CNTNAP5: variants seen among roughly 807,000 people sequenced by gnomAD.
CNTNAP5 encodes contactin associated protein family member 5.
CNTNAP5 carries 72 observed loss-of-function variants against 150.2 expected under a neutral mutation model. The ratio of observed to expected loss-of-function variants is 0.48; its 90% CI spans 0.40 to 0.58. The LOEUF (loss-of-function observed/expected upper bound fraction) is 0.58. Ranked by LOEUF, CNTNAP5 falls within the 20% of genes least tolerant of loss-of-function variation. The pLI, the probability that CNTNAP5 is intolerant of heterozygous loss-of-function variation, is 0.00. For missense variants in CNTNAP5, 1,636 were observed against 1,626.2 expected (o/e 1.01, Z -0.10); for synonymous variants, 672 against 619.8 (o/e 1.08, Z -1.25).
chr2:124,580,920 A>G (rs1290287755), intron 11 of CNTNAP5, among the ~76,000 whole-genome samples: 1 of 152,230 alleles, frequency 6.6e-6, no homozygotes, highest in African/African-American at 2.4e-5. Flanking sequence ...AGTGAGGAGA[A>G]GCGAGGCCTT....
chr2:124,860,624 A>G (rs1238959129), intron 19 of CNTNAP5, among the ~76,000 whole-genome samples: 4 of 150,032 alleles, frequency 2.7e-5, no homozygotes, highest in South Asian at 4.2e-4. Flanking sequence ...GGTACTTACC[A>G]TGGGCCAGAC....
chr2:124,321,098 C>T lies in CNTNAP5; in HGVS notation c.381+78705C>T, dbSNP rs115048229. On this transcript the variant is annotated intron_variant, in intron 3 of 23. Coordinates refer to ENST00000682447, the MANE Select transcript of CNTNAP5 (RefSeq NM_001367498.1). ...CAGAGGATGAGCTGAAGGAAACAAGCTTACCCCATTGTAAGGATGCAGAGG... is the reference window on the plus strand; with the variant it reads ...CAGAGGATGAGCTGAAGGAAACAAGTTTACCCCATTGTAAGGATGCAGAGG... 4.8e-3 allele frequency among the ~76,000 whole-genome samples: 733 copies of T among 152,226 alleles called. 6 individuals are homozygous for T. The highest frequency in any genetic ancestry group is 0.016 in the African/African-American group (671 of 41,540).
chr2:124,743,412 C>T (rs1406971050), intron 13 of CNTNAP5, among the ~76,000 whole-genome samples: 1 of 152,154 alleles, frequency 6.6e-6, no homozygotes, highest in African/African-American at 2.4e-5. Flanking sequence ...AAGTATGCAA[C>T]TTGTGCTTTA....
chr2:124,591,764 A>C (rs1368675369), intron 11 of CNTNAP5, among the ~76,000 whole-genome samples: 2 of 152,190 alleles, frequency 1.3e-5, no homozygotes, highest in Non-Finnish European at 2.9e-5. Flanking sequence ...TTACTTTATA[A>C]TTACAAGCAG....
At chr2:124,298,722 C>T (rs1688500720) in intron 3 of CNTNAP5, among the ~76,000 whole-genome samples, 1 of 152,098 alleles carries the variant, frequency 6.6e-6, no homozygotes, top group Non-Finnish European at 1.5e-5. Flanking sequence ...TTGTTTAATC[C>T]TAAGTGGGTC....
chr2:124,816,116 G>A (rs1682355483), intron 19 of CNTNAP5, among the ~76,000 whole-genome samples: 1 of 152,194 alleles, frequency 6.6e-6, no homozygotes, highest in African/African-American at 2.4e-5. Flanking sequence ...AAGCCGGGGA[G>A]CTGGGTTCTT....
chr2:124,106,023 A>G (rs1222936834), intron 1 of CNTNAP5, among the ~76,000 whole-genome samples: 4 of 152,178 alleles, frequency 2.6e-5, no homozygotes, highest in Non-Finnish European at 4.4e-5. Flanking sequence ...CATGAAATGG[A>G]AAAGGAGAAT....
At chr2:124,578,952 G>T (rs1408568383) in intron 11 of CNTNAP5, among the ~76,000 whole-genome samples, 1 of 152,074 alleles carries the variant, frequency 6.6e-6, no homozygotes, top group Non-Finnish European at 1.5e-5. Context: ...TGACAAGGGA[G>T]TCTGTTGTGC....
intron 3 of CNTNAP5, among the ~76,000 whole-genome samples, chr2:124,270,111 T>C (rs1281027072): frequency 6.6e-6 from 1 of 151,772 alleles, no homozygotes; most frequent in African/African-American, 2.4e-5. Context: ...AGGTCAAGAG[T>C]TCCAGACCAG....
rs992050138 is a variant in CNTNAP5 at position 124,912,410 on chromosome 2, G to A, written c.3727+872G>A. Among the ~76,000 whole-genome samples the A allele has an allele frequency of 2.0e-5, 3 of 152,014 alleles. No individual in the cohort carries two copies. In the East Asian group the frequency reaches 5.8e-4, roughly 29 times the overall value. Reference sequence around the variant, plus strand: ...GGCTCTGTGCTAAGTAGAGGAATATGGGGATGAATGAGCCAGCGAGGAGAT... The same window carrying A: ...GGCTCTGTGCTAAGTAGAGGAATATAGGGATGAATGAGCCAGCGAGGAGAT... On this transcript the variant is annotated intron_variant, in intron 23 of 23. Coordinates refer to ENST00000682447, the MANE Select transcript of CNTNAP5 (RefSeq NM_001367498.1).
At chr2:124,431,654 T>TATATATAATTTCTTTATATAAACATC (rs1207486610) in intron 4 of CNTNAP5, among the ~76,000 whole-genome samples, 1 of 142,758 alleles carries the variant, frequency 7.0e-6, no homozygotes, top group African/African-American at 2.6e-5. Flanking sequence ...ATATAAACAT[T>TATATATAATTTCTTTATATAAACATC]ATATATAATT....
intron 21 of CNTNAP5, among the ~76,000 whole-genome samples, chr2:124,897,402 C>T (rs1678327985): frequency 6.6e-6 from 1 of 151,436 alleles, no homozygotes; most frequent in Admixed American, 6.6e-5. Context: ...AATGTGTTTG[C>T]TAGTCATTGT....
chr2:124,047,859 C>T (rs936352975), intron 1 of CNTNAP5, among the ~76,000 whole-genome samples: 1 of 152,132 alleles, frequency 6.6e-6, no homozygotes, highest in Middle Eastern at 3.2e-3. Context: ...TGCCTTCATG[C>T]CACTTAGACC....
intron 6 of CNTNAP5, among the ~76,000 whole-genome samples, chr2:124,463,665 G>T (rs1443493783): frequency 6.6e-6 from 1 of 152,180 alleles, no homozygotes; most frequent in East Asian, 1.9e-4. Flanking sequence ...AATTTTGCCA[G>T]GTTTCCCAGA....
chr2:124,193,318 C>G (rs7584334), intron 1 of CNTNAP5, among the ~76,000 whole-genome samples: 1 of 152,058 alleles, frequency 6.6e-6, no homozygotes, highest in African/African-American at 2.4e-5. Flanking sequence ...ATAATTCAAC[C>G]CATAACCTAT....
intron 19 of CNTNAP5, among the ~76,000 whole-genome samples, chr2:124,849,117 T>A (rs781183354): frequency 4.6e-5 from 7 of 152,264 alleles, no homozygotes; most frequent in Middle Eastern, 3.4e-3. Context: ...AGTTTTATGG[T>A]TTCAGATCTT....
rs190778022 is a variant in CNTNAP5 at position 124,354,776 on chromosome 2, G to A, written c.382-62667G>A. 7.2e-5 allele frequency among the ~76,000 whole-genome samples: 11 copies of A among 152,128 alleles called. No homozygotes were observed. In the East Asian group the frequency reaches 1.7e-3, roughly 24 times the overall value. ...ATGATCTTAGTTTCAGCTCTCAATAGGTAATCTAGTTTTCATTTCTGACTA... is the reference window on the plus strand; with the variant it reads ...ATGATCTTAGTTTCAGCTCTCAATAAGTAATCTAGTTTTCATTTCTGACTA... On this transcript the variant is annotated intron_variant, in intron 3 of 23. Coordinates refer to ENST00000682447, the MANE Select transcript of CNTNAP5 (RefSeq NM_001367498.1).
intron 12 of CNTNAP5, among the ~76,000 whole-genome samples, chr2:124,639,590 G>A (rs1678047365): frequency 6.6e-6 from 1 of 151,892 alleles, no homozygotes; most frequent in Admixed American, 6.6e-5. Context: ...TTCAATACTG[G>A]CTACTTTAGA....
chr2:124,082,965 A>G (rs964135001), intron 1 of CNTNAP5, among the ~76,000 whole-genome samples: 5 of 152,076 alleles, frequency 3.3e-5, no homozygotes, highest in Admixed American at 2.0e-4. Context: ...TCTTTATGTC[A>G]TTTGCCCAGT....
Sources: gnomAD v4.1 joint callset for allele counts (sites outside exome capture counted in the v4.1 genomes callset) on GRCh38, gnomAD v4.1.1 for gene constraint, MANE v1.5 for transcripts, NCBI Gene and HGNC (gene_info 2026-07-23, HGNC 2026-07-21) for gene names.